POLR2C: variants seen among roughly 807,000 people sequenced by gnomAD.
POLR2C encodes the protein RNA polymerase II subunit C, also known as DNA-directed RNA polymerase II subunit RPB3.
A neutral mutation model predicts 41.7 loss-of-function variants in POLR2C; 36 were observed. The observed-to-expected ratio is 0.86, with a 90% CI of 0.66 to 1.14. The LOEUF (loss-of-function observed/expected upper bound fraction) is 1.14, where lower values mean the gene tolerates loss of function less well. Ranked by LOEUF, POLR2C falls within the 50% of genes most tolerant of loss-of-function variation. The pLI is 0.00. For synonymous variants in POLR2C, 133 were observed against 137.8 expected (o/e 0.96, Z 0.25); for missense variants, 260 against 350.4 (o/e 0.74, Z 2.06).
chr16:57,463,095 C>T lies in POLR2C; in HGVS notation c.136+17C>T. 6.2e-7 allele frequency: 1 copy of T among 1,603,370 alleles called. No individual in the cohort carries two copies. The highest frequency in any genetic ancestry group is 8.5e-7 in the Non-Finnish European group (1 of 1,171,026). ...CCATAATAGGTAAGCGACTCCCCTT[C>T]CTCGTTCCCGCGCCCACGGGTTCCT... On this transcript the variant is annotated intron_variant, in intron 2 of 8. Coordinates refer to ENST00000219252, the MANE Select transcript of POLR2C (RefSeq NM_032940.3).
In POLR2C at chr16:57,470,063, G is replaced by A. The variant is rs1327010589; in HGVS notation, c.542G>A (p.Gly181Glu). ...KEHAKWNPTA[G>E]VAFEYDPDNA... ...CATGCCAAGTGGAACCCTACTGCAGGGGTGGCTTTTGAATACGATCCAGAC... is the reference window on the plus strand; with the variant it reads ...CATGCCAAGTGGAACCCTACTGCAGAGGTGGCTTTTGAATACGATCCAGAC... The change falls in exon 7 of 9, where the codon GGG becomes GAG. Residue 181 changes from glycine (G) to glutamate (E), a missense_variant. Coordinates refer to ENST00000219252, the MANE Select transcript of POLR2C (RefSeq NM_032940.3). The A allele has an allele frequency of 1.9e-6, 3 of 1,614,214 alleles. No homozygotes were observed. In the South Asian group the frequency reaches 3.3e-5, roughly 18 times the overall value.
intron 2 of POLR2C, 99 bp from the exon 3 acceptor site, chr16:57,465,854 G>A: frequency 1.2e-6 from 1 of 808,010 alleles, no homozygotes; most frequent in South Asian, 1.4e-5. Flanking sequence ...GCAATCTGCA[G>A]TTTAGTGTCA....
rs2030786930 is a variant in POLR2C, at chr16:57,469,903, A to G, written c.440-58A>G. On this transcript the variant is annotated intron_variant, in intron 6 of 8. Coordinates refer to ENST00000219252, the MANE Select transcript of POLR2C (RefSeq NM_032940.3). The surrounding 1 kb of genome is among the most constrained non-coding windows in gnomAD (Gnocchi z 5.8). Reference sequence around the variant, plus strand: ...TGGTCTTGCAGTGGCACTCCAAGTCAGAATTTGGAGAAGCATGTCTCTCCT... The same window carrying G: ...TGGTCTTGCAGTGGCACTCCAAGTCGGAATTTGGAGAAGCATGTCTCTCCT... The G allele has an allele frequency of 1.3e-6, 2 of 1,599,556 alleles. No individual in the cohort carries two copies. The highest frequency in any genetic ancestry group is 2.2e-5 in the South Asian group (2 of 90,632).
chr16:57,466,154 G>A, intron 3 of POLR2C, 21 bp from the exon 4 acceptor site: 1 of 1,593,816 alleles, frequency 6.3e-7, no homozygotes, highest in Non-Finnish European at 8.6e-7. Flanking sequence ...TTTCTTTAAA[G>A]TGCTTTTCTG....
chr16:57,470,109 G>A lies in POLR2C; in HGVS notation c.588G>A (p.Val196=). ...YDPDNALRHT[V]YPKPEEWPKS... ...CAGACAATGCCCTGAGGCACACAGT[G>A]TACCCCAAGCCCGAGGAATGGTATG... The change falls in exon 7 of 9, where the codon GTG becomes GTA. Residue 196 remains valine, a synonymous_variant. Transcript: ENST00000219252. 1 of 1,614,016 alleles carries A rather than the reference G, an allele frequency of 6.2e-7. No individual in the cohort carries two copies. The highest frequency in any genetic ancestry group is 8.5e-7 in the Non-Finnish European group (1 of 1,179,940).
intron 8 of POLR2C, among the ~76,000 whole-genome samples, 154 bp from the exon 9 acceptor site, chr16:57,470,821 A>G (rs923290572): frequency 3.3e-5 from 5 of 152,188 alleles, no homozygotes; most frequent in Non-Finnish European, 7.3e-5. Flanking sequence ...ACCCTATGTA[A>G]GAGGTTTTAC....
chr16:57,465,853 A>G, intron 2 of POLR2C, 100 bp from the exon 3 acceptor site: 1 of 793,352 alleles, frequency 1.3e-6, no homozygotes, highest in South Asian at 1.4e-5. Context: ...AGCAATCTGC[A>G]GTTTAGTGTC....
chr16:57,466,925 G>A lies in POLR2C; in HGVS notation c.258+698G>A, dbSNP rs1051067532. On this transcript the variant is annotated intron_variant, in intron 4 of 8. Coordinates refer to ENST00000219252, the MANE Select transcript of POLR2C (RefSeq NM_032940.3). ...CTAATTTGATATATCTTATAAATATGTGTGTATTTTTAAAAAAGAAATATT... is the reference window on the plus strand; with the variant it reads ...CTAATTTGATATATCTTATAAATATATGTGTATTTTTAAAAAAGAAATATT... Among the ~76,000 whole-genome samples, 3 of 152,128 alleles carry A rather than the reference G, an allele frequency of 2.0e-5. 1 individual carries two copies. The highest frequency in any genetic ancestry group is 4.4e-5 in the Non-Finnish European group (3 of 68,040).
intron 8 of POLR2C, 69 bp from the exon 9 acceptor site, chr16:57,470,906 T>C (rs1358393969): frequency 1.3e-6 from 2 of 1,505,606 alleles, no homozygotes; most frequent in African/African-American, 1.4e-5. Context: ...GGAGGAAGGG[T>C]TGTCCATGGC....
rs752174262 is a variant in POLR2C at position 57,469,129 on chromosome 16, C to T, written c.259-36C>T. 6.2e-7 allele frequency: 1 copy of T among 1,601,912 alleles called. No individual in the cohort carries two copies. Among genetic ancestry groups the T allele is most frequent in the East Asian group, 2.2e-5 (1 of 44,580 alleles). ...GGAGCCAAGGCAGGAGTTGCCATCT[C>T]CCTTTGACTCATTCCTGCTTCCCTT... On this transcript the variant is annotated intron_variant, in intron 4 of 8. Coordinates refer to ENST00000219252, the MANE Select transcript of POLR2C (RefSeq NM_032940.3). This position sits in a 1 kb window ranked among gnomAD's most constrained non-coding sequence, Gnocchi z 5.8.
At chr16:57,465,085 A>C (rs1456675054) in intron 2 of POLR2C, among the ~76,000 whole-genome samples, 1 of 152,100 alleles carries the variant, frequency 6.6e-6, no homozygotes, top group Non-Finnish European at 1.5e-5. Flanking sequence ...GAGGATCTTA[A>C]CCTGTACAGC....
intron 8 of POLR2C, among the ~76,000 whole-genome samples, chr16:57,470,603 G>C (rs1387171929): frequency 2.0e-5 from 3 of 152,194 alleles, no homozygotes; most frequent in East Asian, 3.9e-4. Flanking sequence ...AGCCCCCAAA[G>C]AAGAGATTCT....
At chr16:57,466,391 G>T (rs1452023185) in intron 4 of POLR2C, among the ~76,000 whole-genome samples, 164 bp downstream of exon 4, 3 of 152,210 alleles carry the variant, frequency 2.0e-5, no homozygotes, top group East Asian at 3.9e-4. Context: ...CCTGCGTTCT[G>T]ATGGGGCTTC....
Position 57,463,236 on chromosome 16 carries a change from G to T in POLR2C, c.136+158G>T, listed in dbSNP as rs534702477. The T allele has an allele frequency of 4.3e-6, 3 of 690,058 alleles. No homozygotes were observed. The South Asian group carries it at 5.0e-5, about 11-fold the overall frequency. The allele number at this position is 690,058 out of a possible 1,614,324, so 42.7% of individuals were successfully genotyped here. On this transcript the variant is annotated intron_variant, in intron 2 of 8. Coordinates refer to ENST00000219252, the MANE Select transcript of POLR2C (RefSeq NM_032940.3). ...AGACTTGACCATACCCTGTGCCCTTGGCTCAGTGGCCGCCTCCCTGGCGCC... is the reference window on the plus strand; with the variant it reads ...AGACTTGACCATACCCTGTGCCCTTTGCTCAGTGGCCGCCTCCCTGGCGCC...
rs1406152544 is a variant in POLR2C, at chr16:57,469,918, A to G, written c.440-43A>G. On this transcript the variant is annotated intron_variant, in intron 6 of 8. Coordinates refer to ENST00000219252, the MANE Select transcript of POLR2C (RefSeq NM_032940.3). The surrounding 1 kb of genome is among the most constrained non-coding windows in gnomAD (Gnocchi z 5.8). ...ACTCCAAGTCAGAATTTGGAGAAGCATGTCTCTCCTGGCCCTTGACTGACT... is the reference window on the plus strand; with the variant it reads ...ACTCCAAGTCAGAATTTGGAGAAGCGTGTCTCTCCTGGCCCTTGACTGACT... The G allele has an allele frequency of 1.0e-5, 16 of 1,606,114 alleles. No individual in the cohort carries two copies. The highest frequency in any genetic ancestry group is 2.2e-5 in the East Asian group (1 of 44,802).
At position 57,471,720 on chromosome 16, in the gene POLR2C, C is replaced by T. The variant is rs1459129518; in HGVS notation, c.*601C>T. ...TCATGAACCCCTTCACCTCCAATGA[C>T]CTGATCATTTAGTTTGGTGGGGGTG... is the stretch of plus-strand genomic sequence containing the variant. On this transcript the variant is annotated 3_prime_UTR_variant, in exon 9 of 9. Transcript: ENST00000219252. 14 of 108,438 alleles carry T rather than the reference C, an allele frequency of 1.3e-4. No individual in the cohort carries two copies. The highest frequency in any genetic ancestry group is 6.0e-4 in the African/African-American group (14 of 23,148). 6.7% of individuals were successfully genotyped at this position (108,438 alleles called of 1,614,324 possible).
At chr16:57,463,102 C>A (rs767326062) in intron 2 of POLR2C, 24 bp downstream of exon 2, 7 of 1,590,486 alleles carry the variant, frequency 4.4e-6, no homozygotes, top group Non-Finnish European at 6.0e-6. Flanking sequence ...CTTCCTCGTT[C>A]CCGCGCCCAC....
chr16:57,469,916 G>A lies in POLR2C; in HGVS notation c.440-45G>A. ...GCACTCCAAGTCAGAATTTGGAGAA[G>A]CATGTCTCTCCTGGCCCTTGACTGA... On this transcript the variant is annotated intron_variant, in intron 6 of 8. Transcript: ENST00000219252. The surrounding 1 kb of genome is among the most constrained non-coding windows in gnomAD (Gnocchi z 5.8). 6.2e-7 allele frequency: 1 copy of A among 1,604,630 alleles called. No individual in the cohort carries two copies. The highest frequency in any genetic ancestry group is 8.5e-7 in the Non-Finnish European group (1 of 1,173,620).
chr16:57,470,032 A>T lies in POLR2C; in HGVS notation c.511A>T (p.Lys171Ter). 1 of 1,614,202 alleles carries T rather than the reference A, an allele frequency of 6.2e-7. No homozygotes were observed. Among genetic ancestry groups the T allele is most frequent in the African/African-American group, 1.3e-5 (1 of 75,050 alleles). Residue 171 changes from lysine (K) to a stop codon, truncating the protein, a stop_gained, in exon 7 of 9, where the codon AAG becomes TAG. Coordinates refer to ENST00000219252, the MANE Select transcript of POLR2C (RefSeq NM_032940.3). LOFTEE classifies it high-confidence loss of function. ...LRAYAKKGFG[K>*]EHAKWNPTAG... is the part of the protein sequence containing the mutation. ...AGCCTATGCCAAAAAGGGCTTTGGC[A>T]AGGAGCATGCCAAGTGGAACCCTAC...
Sources: allele counts gnomAD v4.1 joint callset (sites outside exome capture counted in the v4.1 genomes callset), GRCh38; gene constraint gnomAD v4.1.1; non-coding constraint Gnocchi (gnomAD v3.1); transcripts MANE v1.5; gene names NCBI Gene and HGNC (gene_info 2026-07-23, HGNC 2026-07-21).